The following CMSS1 variants were observed in gnomAD, a reference collection of about 807,000 sequenced individuals.
The protein encoded by CMSS1 is cms1 ribosomal small subunit homolog, also known as protein CMSS1.
A neutral mutation model predicts 43.5 loss-of-function variants in CMSS1; 33 were observed. The ratio of observed to expected loss-of-function variants is 0.76; its 90% CI spans 0.57 to 1.01. The LOEUF (loss-of-function observed/expected upper bound fraction) is 1.01. Ranked by LOEUF, CMSS1 falls within the 50% of genes least tolerant of loss-of-function variation. CMSS1 has a pLI of 0.00. For synonymous variants in CMSS1, 115 were observed against 117.2 expected, an observed-to-expected ratio of 0.98 and a Z score of 0.12; for missense variants, 313 against 326.4, an observed-to-expected ratio of 0.96 and a Z score of 0.32.
intron 1 of CMSS1, among the ~76,000 whole-genome samples, chr3:99,839,138 A>G (rs1943022542): frequency 6.6e-6 from 1 of 151,838 alleles, no homozygotes; most frequent in Non-Finnish European, 1.5e-5. Flanking sequence ...CTCAATTCTC[A>G]TCTGTTTCTG....
chr3:99,937,936 T>G (rs1707730869), intron 1 of CMSS1, among the ~76,000 whole-genome samples: 1 of 152,052 alleles, frequency 6.6e-6, no homozygotes, highest in Admixed American at 6.5e-5. Flanking sequence ...AGAAAACCTG[T>G]AGGAAGGGAG....
intron 1 of CMSS1, among the ~76,000 whole-genome samples, chr3:99,863,271 A>G (rs1467781043): frequency 6.6e-6 from 1 of 152,138 alleles, no homozygotes; most frequent in Non-Finnish European, 1.5e-5. Context: ...GCTGCTGCTG[A>G]TCTAACAGGA....
intron 1 of CMSS1, among the ~76,000 whole-genome samples, chr3:99,909,795 T>C (rs982893878): frequency 7.2e-5 from 11 of 152,204 alleles, no homozygotes; most frequent in African/African-American, 2.7e-4. Flanking sequence ...TTTATTCCAT[T>C]TCCATTCAAC....
intron 1 of CMSS1, among the ~76,000 whole-genome samples, chr3:99,938,682 A>G (rs971549010): frequency 6.6e-6 from 1 of 152,182 alleles, no homozygotes; most frequent in Non-Finnish European, 1.5e-5. Flanking sequence ...TGGCCCCTTT[A>G]ATATTAACTG....
At chr3:99,968,178 G>A (rs1280369202) in intron 1 of CMSS1, among the ~76,000 whole-genome samples, 2 of 152,194 alleles carry the variant, frequency 1.3e-5, no homozygotes, top group African/African-American at 4.8e-5. Flanking sequence ...TTCTCCTAAA[G>A]TCTTAAGAAT....
intron 1 of CMSS1, among the ~76,000 whole-genome samples, chr3:100,076,229 C>G (rs1463269546): frequency 6.6e-6 from 1 of 152,186 alleles, no homozygotes; most frequent in Non-Finnish European, 1.5e-5. Context: ...GGAGGCTTGT[C>G]TGTTTCATTC....
At chr3:100,091,484 G>A (rs1313736265) in intron 1 of CMSS1, among the ~76,000 whole-genome samples, 2 of 152,170 alleles carry the variant, frequency 1.3e-5, no homozygotes, top group Non-Finnish European at 2.9e-5. Context: ...CAGTTTTAAA[G>A]ATGCATGCTG....
At chr3:99,935,135 C>T (rs1576584432) in intron 1 of CMSS1, among the ~76,000 whole-genome samples, 1 of 152,006 alleles carries the variant, frequency 6.6e-6, no homozygotes. Context: ...TACTCTCATG[C>T]TTTGTATTAT....
At chr3:100,048,980 C>G (rs2065324240) in intron 1 of CMSS1, among the ~76,000 whole-genome samples, 1 of 152,132 alleles carries the variant, frequency 6.6e-6, no homozygotes, top group Non-Finnish European at 1.5e-5. Flanking sequence ...TGTCTATTTT[C>G]AAACCTAATG....
chr3:100,118,979 G>T (rs1196443909), intron 1 of CMSS1, among the ~76,000 whole-genome samples: 2 of 151,766 alleles, frequency 1.3e-5, no homozygotes, highest in Admixed American at 6.6e-5. Context: ...TCGTGTTGTT[G>T]TTTTTTTTGT....
chr3:100,123,910 A>T (rs148493080), intron 1 of CMSS1, among the ~76,000 whole-genome samples: 46 of 152,338 alleles, frequency 3.0e-4, no homozygotes, highest in African/African-American at 1.1e-3. Context: ...TAAGGTATTC[A>T]ATAAATATTC....
chr3:99,982,245 T>C (rs775458917), intron 1 of CMSS1, among the ~76,000 whole-genome samples: 1 of 152,192 alleles, frequency 6.6e-6, no homozygotes, highest in African/African-American at 2.4e-5. Flanking sequence ...TCTTTTTTTA[T>C]GCCTGTCATG....
In CMSS1 at chr3:100,137,401, A is replaced by G. The variant is rs115459337; in HGVS notation, c.65-9572A>G. ...AACAATTCTACAGGAAGTCATAACA[A>G]TTCTAAACTTGCATGCACCTAAGAC... is the stretch of plus-strand genomic sequence containing the variant. On this transcript the variant is annotated intron_variant, in intron 1 of 9. Transcript: ENST00000421999. 4.1e-3 allele frequency among the ~76,000 whole-genome samples: 624 copies of G among 152,320 alleles called. 7 individuals carry two copies. The highest frequency in any genetic ancestry group is 0.015 in the African/African-American group (612 of 41,564).
chr3:99,941,741 G>A (rs1047534694), intron 1 of CMSS1, among the ~76,000 whole-genome samples: 3 of 152,202 alleles, frequency 2.0e-5, no homozygotes, highest in African/African-American at 7.2e-5. Context: ...ATTTAATAAT[G>A]TAGGAAAATA....
At chr3:100,028,967 G>A (rs924865151) in intron 1 of CMSS1, among the ~76,000 whole-genome samples, 1 of 151,958 alleles carries the variant, frequency 6.6e-6, no homozygotes, top group South Asian at 2.1e-4. Flanking sequence ...TTACAAGCTC[G>A]TCAGTCCGTT....
At chr3:100,114,278 G>A (rs1164685429) in intron 1 of CMSS1, 1 of 151,574 alleles carries the variant, frequency 6.6e-6, no homozygotes, top group Non-Finnish European at 1.5e-5. Context: ...CAACAAGTAG[G>A]CCCAAACACT....
chr3:100,135,161 A>G (rs2066740653), intron 1 of CMSS1, among the ~76,000 whole-genome samples: 1 of 152,194 alleles, frequency 6.6e-6, no homozygotes, highest in African/African-American at 2.4e-5. Flanking sequence ...AAGAATTTAT[A>G]TAGCAATGCT....
At chr3:99,923,370 C>T (rs1398606817) in intron 1 of CMSS1, among the ~76,000 whole-genome samples, 1 of 152,170 alleles carries the variant, frequency 6.6e-6, no homozygotes, top group Non-Finnish European at 1.5e-5. Flanking sequence ...GGACTCATCT[C>T]CTACCTACTC....
chr3:99,890,403 T>A (rs1001185200), intron 1 of CMSS1, among the ~76,000 whole-genome samples: 2 of 152,132 alleles, frequency 1.3e-5, no homozygotes, highest in African/African-American at 4.8e-5. Context: ...CTTTCTTCAG[T>A]TCTAGAAAAT....
Sources: allele counts gnomAD v4.1 joint callset (sites outside exome capture counted in the v4.1 genomes callset), GRCh38; gene constraint gnomAD v4.1.1; transcripts MANE v1.5; gene names NCBI Gene and HGNC (gene_info 2026-07-23, HGNC 2026-07-21).